Variants in GNL3L observed in about 807,000 individuals in gnomAD.
GNL3L encodes guanine nucleotide-binding protein-like 3-like protein.
In GNL3L, 4 loss-of-function variants were observed where a neutral mutation model predicts 42.9. The ratio of observed to expected loss-of-function variants is 0.09; its 90% confidence interval spans 0.05 to 0.21. The LOEUF is 0.21. Ranked by LOEUF, GNL3L falls within the 10% of genes least tolerant of loss-of-function variation. The probability of loss-of-function intolerance (pLI) is 1.00; values close to 1 mark genes in which losing one functional copy is unlikely to be tolerated. For synonymous variants in GNL3L, 159 were observed against 176.3 expected, an observed-to-expected ratio of 0.90 and a Z score of 0.78; for missense variants, 412 against 481.7, an observed-to-expected ratio of 0.86 and a Z score of 1.36.
intron 16 of GNL3L, among the ~76,000 whole-genome samples, chrX:54,608,888 T>C (rs1311751421): frequency 8.9e-6 from 1 of 112,091 alleles, no homozygotes; most frequent in Non-Finnish European, 1.9e-5. Flanking sequence ...GATTGCTGGA[T>C]CAAATGGTAG....
At chrX:54,531,465 C>A (rs1041629109) in intron 1 of GNL3L, among the ~76,000 whole-genome samples, 12 of 110,900 alleles carry the variant, frequency 1.1e-4, no homozygotes, top group Non-Finnish European at 2.3e-4. Context: ...ACGCCCCCAC[C>A]CCCAAGTATT....
At chrX:54,544,400 GACTGGGACCTCCAGCCCTTTAGTAATTGA>G (rs1924713335) in intron 8 of GNL3L, 74 bp downstream of exon 8, 1 of 516,753 alleles carries the variant, frequency 1.9e-6, no homozygotes, top group African/African-American at 2.4e-5. Flanking sequence ...TCGTGACTTG[GACTGGGACCTCCAGCCCTTTAGTAATTGA>G]ACTGGGCCTT....
intron 4 of GNL3L, 63 bp downstream of exon 4, chrX:54,540,305 G>T (rs1225030499): frequency 1.9e-5 from 14 of 730,059 alleles, no homozygotes. Context: ...CCGCAGAAGT[G>T]TTGAATGGAA....
downstream of GNL3L, among the ~76,000 whole-genome samples, chrX:54,624,469 G>A (rs1462763463): frequency 2.3e-5 from 2 of 86,482 alleles, no homozygotes; most frequent in Non-Finnish European, 4.3e-5. Flanking sequence ...ACAGAGTCTC[G>A]CTGTTTTGTC....
intron 16 of GNL3L, among the ~76,000 whole-genome samples, chrX:54,594,095 G>T (rs967120846): frequency 1.8e-5 from 2 of 111,723 alleles, no homozygotes; most frequent in African/African-American, 6.5e-5. Flanking sequence ...TGGATGAAAT[G>T]TTCCATAAAT....
chrX:54,625,013 T>C (rs1389345631), downstream of GNL3L, among the ~76,000 whole-genome samples: 9 of 111,525 alleles, frequency 8.1e-5, no homozygotes, highest in African/African-American at 2.9e-4. Flanking sequence ...AATTACCTCT[T>C]TAATGACCCT....
intron 16 of GNL3L, among the ~76,000 whole-genome samples, chrX:54,578,305 T>G (rs1925662978): frequency 8.9e-6 from 1 of 112,087 alleles, no homozygotes; most frequent in African/African-American, 3.2e-5. Context: ...TTTTGTCTGA[T>G]TTATTTCTCC....
At chrX:54,639,373 C>T in the GNL3L span, among the ~76,000 whole-genome samples, 1 of 112,294 alleles carries the variant, frequency 8.9e-6, no homozygotes, top group Non-Finnish European at 1.9e-5. Flanking sequence ...ATCCGACGTG[C>T]CCCGCCCGCC....
intron 16 of GNL3L, among the ~76,000 whole-genome samples, chrX:54,610,988 T>G (rs1235437244): frequency 9.0e-6 from 1 of 111,546 alleles, no homozygotes; most frequent in Admixed American, 9.6e-5. Flanking sequence ...ACTTTTTTTT[T>G]GTTGGTAATT....
intron 16 of GNL3L, among the ~76,000 whole-genome samples, chrX:54,590,357 T>A (rs1008723404): frequency 8.9e-6 from 1 of 112,539 alleles, no homozygotes; most frequent in Non-Finnish European, 1.9e-5. Context: ...TATGTCTTCT[T>A]TTGAGAAATG....
chrX:54,580,881 A>G (rs1925705706), intron 16 of GNL3L, among the ~76,000 whole-genome samples: 1 of 112,130 alleles, frequency 8.9e-6, no homozygotes. Flanking sequence ...CCTGGGTTCA[A>G]GTGATTCTCC....
intron 16 of GNL3L, among the ~76,000 whole-genome samples, chrX:54,594,679 G>T (rs1376166259): frequency 9.1e-6 from 1 of 110,140 alleles, no homozygotes; most frequent in Non-Finnish European, 1.9e-5. Context: ...TTGTTTTGTG[G>T]TGTTCTTTCC....
At position 54,566,902 on chromosome X, in the gene GNL3L, T is replaced by C. The variant is rs1448552450; in HGVS notation, c.*6300T>C. 8.9e-6 allele frequency among the ~76,000 whole-genome samples: 1 copy of C among 111,987 alleles called. No homozygotes were observed. The highest frequency in any genetic ancestry group is 1.9e-5 in the Non-Finnish European group (1 of 53,203). ...GAACCTCCCACCTCCGCCTCTTGAG[T>C]AGCTGGGACCACAGGCATGTGCCAC... On this transcript the variant is annotated 3_prime_UTR_variant, in exon 16 of 16. Coordinates refer to ENST00000360845, the MANE Select transcript of GNL3L (RefSeq NM_001184819.2).
At chrX:54,628,716 T>G in the GNL3L span, among the ~76,000 whole-genome samples, 5 of 107,247 alleles carry the variant, frequency 4.7e-5, no homozygotes, top group African/African-American at 1.7e-4. Flanking sequence ...TTATTTGTTG[T>G]TTTTTTTTCC....
At chrX:54,621,924 G>T (rs1926290540), downstream of GNL3L, among the ~76,000 whole-genome samples, 1 of 111,989 alleles carries the variant, frequency 8.9e-6, no homozygotes, top group Non-Finnish European at 1.9e-5. Flanking sequence ...ACCATGTAAA[G>T]AATTATTGTA....
chrX:54,619,867 A>G (rs889049189), intron 16 of GNL3L, among the ~76,000 whole-genome samples: 3 of 111,971 alleles, frequency 2.7e-5, no homozygotes, highest in African/African-American at 9.7e-5. Flanking sequence ...ACTGGTACAA[A>G]GAAGTTAGAT....
intron 16 of GNL3L, among the ~76,000 whole-genome samples, chrX:54,607,065 T>TC (rs1569542617): frequency 1.6e-5 from 1 of 64,329 alleles, no homozygotes; most frequent in African/African-American, 1.1e-4. Flanking sequence ...TCTTTCTTTC[T>TC]TTCTTTCTCT....
intron 8 of GNL3L, among the ~76,000 whole-genome samples, chrX:54,546,804 G>A (rs893704952): frequency 4.1e-4 from 43 of 104,827 alleles, no homozygotes; most frequent in African/African-American, 1.3e-3. Flanking sequence ...GTGCTACCAC[G>A]TCTGGCTAAT....
intron 11 of GNL3L, 26 bp downstream of exon 11, chrX:54,551,768 C>G: frequency 8.3e-7 from 1 of 1,208,267 alleles, no homozygotes; most frequent in Non-Finnish European, 1.1e-6. Context: ...CTGGCTGATG[C>G]CCTGCCCTAC....
Sources: gnomAD v4.1 joint callset for allele counts (sites outside exome capture counted in the v4.1 genomes callset) on GRCh38, gnomAD v4.1.1 for gene constraint, MANE v1.5 for transcripts, NCBI Gene and HGNC (gene_info 2026-07-23, HGNC 2026-07-21) for gene names.